Variants in CNTN5 observed in about 807,000 individuals in gnomAD.
The protein encoded by CNTN5 is contactin 5, also known as contactin-5.
In CNTN5, 77 loss-of-function variants were observed where a neutral mutation model predicts 129.1. That is an observed-to-expected ratio of 0.60 (90% CI 0.50 to 0.72). The LOEUF (loss-of-function observed/expected upper bound fraction) is 0.72. CNTN5 is among the 30% of genes least tolerant of loss of function. CNTN5 has a pLI of 0.00. For synonymous variants in CNTN5, 509 were observed against 465.6 expected, an observed-to-expected ratio of 1.09 and a Z score of -1.20; for missense variants, 1,478 against 1,328.8, an observed-to-expected ratio of 1.11 and a Z score of -1.75.
At chr11:99,206,850 A>G (rs1818534834) in intron 1 of CNTN5, among the ~76,000 whole-genome samples, 1 of 152,140 alleles carries the variant, frequency 6.6e-6, no homozygotes, top group South Asian at 2.1e-4. Flanking sequence ...TCTTTTGGCC[A>G]AAAGTTTACT....
At chr11:99,510,200 A>G (rs1946782698) in intron 2 of CNTN5, among the ~76,000 whole-genome samples, 9 of 152,088 alleles carry the variant, frequency 5.9e-5, no homozygotes. Context: ...AAATGGGGCA[A>G]CAAGTATATA....
At chr11:100,277,445 T>A (rs1950538747) in intron 18 of CNTN5, among the ~76,000 whole-genome samples, 1 of 152,172 alleles carries the variant, frequency 6.6e-6, no homozygotes, top group Non-Finnish European at 1.5e-5. Context: ...ACCAACAGTG[T>A]ATGAGTGTTT....
At chr11:99,161,126 G>A (rs1222390530) in intron 1 of CNTN5, among the ~76,000 whole-genome samples, 1 of 152,098 alleles carries the variant, frequency 6.6e-6, no homozygotes, top group Non-Finnish European at 1.5e-5. Context: ...ATCTAGAATA[G>A]TCCCTGATTG....
At chr11:100,054,252 T>TCC (rs1206437910) in intron 9 of CNTN5, among the ~76,000 whole-genome samples, 2 of 151,678 alleles carry the variant, frequency 1.3e-5, no homozygotes, top group African/African-American at 4.8e-5. Context: ...GTTAAGAGAC[T>TCC]CCATTTTCTA....
At chr11:99,835,233 T>G (rs1947265762) in intron 4 of CNTN5, among the ~76,000 whole-genome samples, 1 of 152,194 alleles carries the variant, frequency 6.6e-6, no homozygotes, top group East Asian at 1.9e-4. Context: ...ATGAAGAGAT[T>G]TATTCTTCGT....
intron 2 of CNTN5, among the ~76,000 whole-genome samples, chr11:99,332,668 C>A (rs540215452): frequency 6.6e-5 from 10 of 152,050 alleles, no homozygotes; most frequent in African/African-American, 2.4e-4. Flanking sequence ...GAATTGGCAA[C>A]CACGCCTCTA....
At chr11:99,687,748 TC>T (rs931295986) in intron 3 of CNTN5, among the ~76,000 whole-genome samples, 8 of 152,198 alleles carry the variant, frequency 5.3e-5, no homozygotes, top group African/African-American at 1.9e-4. Flanking sequence ...CCTGTACATT[TC>T]TCCTAAAATA....
intron 1 of CNTN5, among the ~76,000 whole-genome samples, chr11:99,317,071 T>C (rs1591513833): frequency 2.0e-5 from 3 of 152,326 alleles, no homozygotes. Context: ...CTGACTTCAG[T>C]TGGCTATGTC....
intron 3 of CNTN5, among the ~76,000 whole-genome samples, chr11:99,609,231 T>C (rs1565344769): frequency 6.6e-6 from 1 of 152,104 alleles, no homozygotes. Flanking sequence ...GATGTCTCTT[T>C]GTATTTGATA....
intron 3 of CNTN5, among the ~76,000 whole-genome samples, chr11:99,806,771 C>T (rs939112661): frequency 6.8e-6 from 1 of 147,348 alleles, no homozygotes; most frequent in Non-Finnish European, 1.5e-5. Context: ...TGTGCTACTG[C>T]ATTCCAGCCT....
intron 1 of CNTN5, among the ~76,000 whole-genome samples, chr11:99,321,197 A>G (rs1211992041): frequency 1.3e-5 from 1 of 77,262 alleles, no homozygotes; most frequent in Non-Finnish European, 2.7e-5. Context: ...ACTAATTCCA[A>G]TTGCATACAC....
chr11:99,174,290 G>A (rs977718106), intron 1 of CNTN5, among the ~76,000 whole-genome samples: 8 of 152,008 alleles, frequency 5.3e-5, no homozygotes, highest in African/African-American at 1.9e-4. Flanking sequence ...TGAGGACTAC[G>A]CCCAGCGAGA....
At chr11:99,520,309 T>C (rs1467794286) in intron 2 of CNTN5, among the ~76,000 whole-genome samples, 1 of 152,130 alleles carries the variant, frequency 6.6e-6, no homozygotes, top group Admixed American at 6.6e-5. Context: ...TAGTCTCTCC[T>C]AGATAACTGC....
At chr11:99,161,199 G>A (rs1262689507) in intron 1 of CNTN5, among the ~76,000 whole-genome samples, 1 of 152,056 alleles carries the variant, frequency 6.6e-6, no homozygotes, top group Non-Finnish European at 1.5e-5. Flanking sequence ...TGAGTAGGAA[G>A]CATGATTATA....
rs35865644 is a variant in CNTN5, at chr11:99,791,112, G to GTT, written c.56-28422_56-28421dup. 6.4e-4 allele frequency among the ~76,000 whole-genome samples: 95 copies of GTT among 149,242 alleles called. 3 individuals are homozygous for GTT. In the South Asian group the frequency reaches 0.015, roughly 23 times the overall value. On this transcript the variant is annotated intron_variant, in intron 3 of 24. Coordinates refer to ENST00000524871, the MANE Select transcript of CNTN5 (RefSeq NM_014361.4). ...CTCTGTGTTGTTTACTTTGTTGATA[G>GTT]TTTTTTTTTTTCCTGTGTAGAAGCT...
In CNTN5 at chr11:99,759,424, A is replaced by T. The variant is rs117263656; in HGVS notation, c.56-60120A>T. Among the ~76,000 whole-genome samples the T allele has an allele frequency of 9.2e-5, 14 of 152,084 alleles. No individual in the cohort carries two copies. The East Asian group carries it at 2.7e-3, about 29-fold the overall frequency. ...GCCATTTATCTGCTGAAACAAATCT[A>T]TATTATATAGGGGGCAATGAAATTA... On this transcript the variant is annotated intron_variant, in intron 3 of 24. Transcript: ENST00000524871.
intron 3 of CNTN5, among the ~76,000 whole-genome samples, chr11:99,697,362 G>T (rs1954317263): frequency 6.6e-6 from 1 of 151,402 alleles, no homozygotes; most frequent in African/African-American, 2.4e-5. Flanking sequence ...AGTGATCAAG[G>T]TCATCATCAA....
chr11:99,110,096 G>A (rs901949168), intron 1 of CNTN5, among the ~76,000 whole-genome samples: 5 of 152,068 alleles, frequency 3.3e-5, no homozygotes, highest in Non-Finnish European at 5.9e-5. Context: ...AGGGAACCTC[G>A]CTCGGAGTGC....
Position 99,956,891 on chromosome 11 carries a change from C to T in CNTN5, c.759C>T (p.Asn253=). Residue 253 remains asparagine (N), a synonymous_variant, in exon 8 of 25, where the codon AAC becomes AAT. Transcript: ENST00000524871. ...GGTTCATCTCCCAGGAGACAGGCAA[C>T]CTTTATATTTCTAAAGTCCAAACAT... is the stretch of plus-strand genomic sequence containing the variant. ...SRRFISQETG[N]LYISKVQTSD... 1.9e-6 allele frequency: 3 copies of T among 1,613,840 alleles called. No individual in the cohort carries two copies. Among genetic ancestry groups the T allele is most frequent in the Non-Finnish European group, 2.5e-6 (3 of 1,179,824 alleles).
Sources: gnomAD v4.1 joint callset for allele counts (sites outside exome capture counted in the v4.1 genomes callset) on GRCh38, gnomAD v4.1.1 for gene constraint, MANE v1.5 for transcripts, NCBI Gene and HGNC (gene_info 2026-07-23, HGNC 2026-07-21) for gene names.